The following MPP7 variants were observed in gnomAD, a reference collection of about 807,000 sequenced individuals.
MPP7 encodes MAGUK p55 subfamily member 7.
Under a neutral mutation model 76.5 loss-of-function variants are expected in MPP7, and 60 were observed. That is an observed-to-expected ratio of 0.78 (90% CI 0.64 to 0.97). The LOEUF (loss-of-function observed/expected upper bound fraction) is 0.97. MPP7 is among the 50% of genes least tolerant of loss of function. The pLI, the probability that MPP7 is intolerant of heterozygous loss-of-function variation, is 0.00. For missense variants in MPP7, 641 were observed against 694.0 expected (o/e 0.92, Z 0.86); for synonymous variants, 237 against 244.5 (o/e 0.97, Z 0.29).
chr10:28,216,818 T>C (rs1394626004), intron 2 of MPP7, among the ~76,000 whole-genome samples: 1 of 152,154 alleles, frequency 6.6e-6, no homozygotes, highest in Admixed American at 6.5e-5. Context: ...ACAAAACAGT[T>C]CATTAGATAT....
intron 6 of MPP7, among the ~76,000 whole-genome samples, chr10:28,130,594 C>T (rs1037467428): frequency 2.0e-5 from 3 of 152,154 alleles, no homozygotes; most frequent in Non-Finnish European, 2.9e-5. Flanking sequence ...CTGATTCTCA[C>T]GACTGGGGCT....
chr10:28,290,785 C>T (rs1291241160), intron 1 of MPP7, among the ~76,000 whole-genome samples: 3 of 151,996 alleles, frequency 2.0e-5, no homozygotes, highest in Non-Finnish European at 4.4e-5. Flanking sequence ...AATCAGTTTT[C>T]TTATTAAACA....
chr10:28,269,709 T>A (rs576005589), intron 1 of MPP7, among the ~76,000 whole-genome samples: 1 of 151,984 alleles, frequency 6.6e-6, no homozygotes, highest in African/African-American at 2.4e-5. Flanking sequence ...TTAAATTTTT[T>A]TAGAGATGGG....
chr10:28,333,621 A>G (rs1245890098), intron 1 of MPP7, among the ~76,000 whole-genome samples: 1 of 152,238 alleles, frequency 6.6e-6, no homozygotes, highest in East Asian at 1.9e-4. Flanking sequence ...TACTGCAACT[A>G]AAGTCTAGTG....
upstream of MPP7, chr10:28,303,301 T>C (rs1217210573): frequency 3.3e-5 from 5 of 152,244 alleles, no homozygotes; most frequent in African/African-American, 1.2e-4. Flanking sequence ...GTTCCACCCC[T>C]GCCCGCCCGG....
intron 1 of MPP7, among the ~76,000 whole-genome samples, chr10:28,288,880 C>G (rs78050202): frequency 0.015 from 2,313 of 152,266 alleles, 38 homozygotes; most frequent in East Asian, 0.071. Flanking sequence ...GAGAAAGGGC[C>G]TTATGAGCAG....
intron 11 of MPP7, among the ~76,000 whole-genome samples, chr10:28,112,868 T>C (rs992714337): frequency 6.6e-6 from 1 of 152,190 alleles, no homozygotes; most frequent in African/African-American, 2.4e-5. Flanking sequence ...TAGTGAATTC[T>C]CATAATTTTA....
intron 9 of MPP7, 61 bp downstream of exon 9, chr10:28,120,532 GT>G (rs1403791199): frequency 6.5e-7 from 1 of 1,533,990 alleles, no homozygotes; most frequent in African/African-American, 1.4e-5. Flanking sequence ...GTGGATATGT[GT>G]TGGATGGAAA....
intron 5 of MPP7, among the ~76,000 whole-genome samples, chr10:28,143,072 G>C (rs1356396020): frequency 6.6e-6 from 1 of 151,896 alleles, no homozygotes; most frequent in East Asian, 1.9e-4. Context: ...TTGACACAAA[G>C]AGAAGGCTAC....
intron 1 of MPP7, among the ~76,000 whole-genome samples, chr10:28,244,488 A>G (rs771685899): frequency 6.6e-6 from 1 of 152,162 alleles, no homozygotes; most frequent in Non-Finnish European, 1.5e-5. Flanking sequence ...ACAACCAAAA[A>G]CAAAAATTCC....
At chr10:28,314,060 G>C (rs1449526176) in intron 2 of MPP7, among the ~76,000 whole-genome samples, 1 of 151,940 alleles carries the variant, frequency 6.6e-6, no homozygotes, top group East Asian at 1.9e-4. Flanking sequence ...GCTGGCTCCT[G>C]TTAGCAAATG....
In MPP7 at chr10:28,308,790, A is replaced by T. The variant is rs563698177; in HGVS notation, c.-132+21139T>A. Among the ~76,000 whole-genome samples, 10 of 151,830 alleles carry T rather than the reference A, an allele frequency of 6.6e-5. No homozygotes were observed. The East Asian group carries it at 1.7e-3, about 27-fold the overall frequency. On this transcript the variant is annotated intron_variant, in intron 2 of 11. Coordinates refer to the MPP7 transcript ENST00000441595. ...GAGACCCTGTCTCAAAAAAAAAAAG[A>T]CAACAACAACAAAAAAGAATTTCAC... is the stretch of plus-strand genomic sequence containing the variant.
chr10:28,310,020 T>TTTTAA (rs57172078), intron 2 of MPP7, among the ~76,000 whole-genome samples: 4 of 144,190 alleles, frequency 2.8e-5, no homozygotes, highest in Admixed American at 1.4e-4. Context: ...TTTTTTTTTT[T>TTTTAA]AAACGGAGTC....
In MPP7 at chr10:28,252,917, T is replaced by TG. The variant is rs112329095; in HGVS notation, c.-131-14183dup. Among the ~76,000 whole-genome samples the TG allele has an allele frequency of 6.9e-3, 1,044 of 151,144 alleles. 6 individuals carry two copies. The highest frequency in any genetic ancestry group is 0.011 in the African/African-American group (450 of 40,894). Reference sequence around the variant, plus strand: ...TTTCTCATCTGCATTTCTTTTTTTTTGGGAGGGGGGGGCGGAGTCCCACTG... The same window carrying TG: ...TTTCTCATCTGCATTTCTTTTTTTTTGGGGAGGGGGGGGCGGAGTCCCACTG... On this transcript the variant is annotated intron_variant, in intron 1 of 16. Transcript: ENST00000683449.
At chr10:28,208,164 G>C (rs1385778014) in intron 2 of MPP7, among the ~76,000 whole-genome samples, 1 of 152,182 alleles carries the variant, frequency 6.6e-6, no homozygotes, top group Non-Finnish European at 1.5e-5. Flanking sequence ...AGGAGAACGT[G>C]TGTTTGCAGC....
Position 28,099,817 on chromosome 10 carries a change from A to AT in MPP7, c.953-9977_953-9976insA, listed in dbSNP as rs1443697709. 2.0e-5 allele frequency among the ~76,000 whole-genome samples: 3 copies of AT among 152,116 alleles called. No individual in the cohort carries two copies. The East Asian group carries it at 5.8e-4, about 29-fold the overall frequency. Reference sequence around the variant, plus strand: ...AGTGAAACTCCATCTCCCAAAAAAAAAAATAAATAAAAAATAAAGTTCCTA... The same window carrying AT: ...AGTGAAACTCCATCTCCCAAAAAAAATAAATAAATAAAAAATAAAGTTCCTA... On this transcript the variant is annotated intron_variant, in intron 11 of 16. Coordinates refer to ENST00000683449, the MANE Select transcript of MPP7 (RefSeq NM_001318170.2).
intron 12 of MPP7, among the ~76,000 whole-genome samples, chr10:28,072,901 C>T (rs11006838): frequency 0.041 from 6,263 of 152,220 alleles, 457 homozygotes; most frequent in African/African-American, 0.14. Context: ...CTCTCTTACA[C>T]TTGTCCTTTA....
At chr10:28,316,918 TG>T in intron 2 of MPP7, among the ~76,000 whole-genome samples, 1 of 152,264 alleles carries the variant, frequency 6.6e-6, no homozygotes, top group Admixed American at 6.5e-5. Flanking sequence ...TACTTCAGCC[TG>T]GGGAGGAGTC....
At chr10:28,066,351 C>A (rs1385173814) in intron 13 of MPP7, among the ~76,000 whole-genome samples, 2 of 152,188 alleles carry the variant, frequency 1.3e-5, no homozygotes, top group Non-Finnish European at 2.9e-5. Context: ...CATTCAGCCA[C>A]TTTAGCTCGA....
Sources: gnomAD v4.1 joint callset for allele counts (sites outside exome capture counted in the v4.1 genomes callset) on GRCh38, gnomAD v4.1.1 for gene constraint, MANE v1.5 for transcripts, NCBI Gene and HGNC (gene_info 2026-07-23, HGNC 2026-07-21) for gene names.